Variants in SPOCK1 observed in about 807,000 individuals in gnomAD.
SPOCK1 encodes the protein testican-1.
SPOCK1 carries 23 observed loss-of-function variants against 55.3 expected under a neutral mutation model. The observed-to-expected ratio is 0.42, with a 90% CI of 0.30 to 0.59. SPOCK1 has a LOEUF of 0.59. SPOCK1 is among the 20% of genes least tolerant of loss of function. The pLI, the probability that SPOCK1 is intolerant of heterozygous loss-of-function variation, is 0.22. For synonymous variants in SPOCK1, 226 were observed against 221.0 expected (o/e 1.02, Z -0.20); for missense variants, 499 against 552.5 (o/e 0.90, Z 0.97).
At chr5:137,084,639 A>G (rs887229059) in intron 5 of SPOCK1, among the ~76,000 whole-genome samples, 2 of 152,144 alleles carry the variant, frequency 1.3e-5, no homozygotes, top group Admixed American at 1.3e-4. Flanking sequence ...TGAAAAAGGA[A>G]TGCTCTGTTA....
chr5:137,215,544 T>G (rs577548694), intron 3 of SPOCK1, among the ~76,000 whole-genome samples: 1 of 152,320 alleles, frequency 6.6e-6, no homozygotes, highest in South Asian at 2.1e-4. Flanking sequence ...ATTTTACACA[T>G]TTTTTATACC....
chr5:137,401,215 A>G (rs963836997), intron 2 of SPOCK1, among the ~76,000 whole-genome samples: 1 of 152,232 alleles, frequency 6.6e-6, no homozygotes, highest in African/African-American at 2.4e-5. Context: ...CTGGAGGAAA[A>G]GTAATAGTGC....
chr5:137,067,463 A>G (rs1458609426), intron 6 of SPOCK1, among the ~76,000 whole-genome samples: 2 of 152,178 alleles, frequency 1.3e-5, no homozygotes, highest in Non-Finnish European at 2.9e-5. Flanking sequence ...CCCACACCAT[A>G]GCGAATATGA....
chr5:137,195,712 C>T (rs1286412877), intron 3 of SPOCK1, among the ~76,000 whole-genome samples: 4 of 152,180 alleles, frequency 2.6e-5, no homozygotes, highest in Non-Finnish European at 5.9e-5. Flanking sequence ...ACTACCTACT[C>T]CAAGGCAGGT....
At chr5:137,166,020 A>C (rs1219826360) in intron 3 of SPOCK1, among the ~76,000 whole-genome samples, 1 of 152,162 alleles carries the variant, frequency 6.6e-6, no homozygotes, top group Non-Finnish European at 1.5e-5. Context: ...ATAACAGAGA[A>C]CTTCCCAAAC....
At chr5:137,272,249 T>A (rs1756978087) in intron 2 of SPOCK1, among the ~76,000 whole-genome samples, 1 of 152,218 alleles carries the variant, frequency 6.6e-6, no homozygotes, top group African/African-American at 2.4e-5. Context: ...GTTCTATTTA[T>A]CTTCACACTA....
intron 2 of SPOCK1, among the ~76,000 whole-genome samples, chr5:137,379,173 C>T (rs1246270984): frequency 1.3e-5 from 2 of 152,084 alleles, no homozygotes; most frequent in East Asian, 1.9e-4. Flanking sequence ...GGCCAAGGAG[C>T]ACTTGCCACC....
chr5:137,233,513 T>C (rs1280717955), intron 3 of SPOCK1, among the ~76,000 whole-genome samples: 1 of 152,040 alleles, frequency 6.6e-6, no homozygotes, highest in Non-Finnish European at 1.5e-5. Context: ...AAGCTCTGCT[T>C]GCTCACCTGT....
intron 2 of SPOCK1, among the ~76,000 whole-genome samples, chr5:137,453,710 T>C (rs2149835437): frequency 6.6e-6 from 1 of 152,292 alleles, no homozygotes; most frequent in South Asian, 2.1e-4. Flanking sequence ...CTGAGATACA[T>C]ATTACCACTG....
intron 6 of SPOCK1, among the ~76,000 whole-genome samples, chr5:137,041,710 C>T (rs1184254235): frequency 6.6e-6 from 1 of 152,114 alleles, no homozygotes; most frequent in African/African-American, 2.4e-5. Flanking sequence ...AGCTTATGAA[C>T]ATCATTTTTC....
At chr5:137,091,068 G>A (rs1753045170) in intron 5 of SPOCK1, among the ~76,000 whole-genome samples, 2 of 152,188 alleles carry the variant, frequency 1.3e-5, no homozygotes, top group East Asian at 3.9e-4. Flanking sequence ...GGGGAGCTGA[G>A]GAGGATGAAG....
chr5:137,367,266 A>T (rs1751091755), intron 2 of SPOCK1, among the ~76,000 whole-genome samples: 1 of 152,212 alleles, frequency 6.6e-6, no homozygotes, highest in Non-Finnish European at 1.5e-5. Context: ...ATGATTGACA[A>T]GAAGAGCCCT....
At chr5:137,356,863 A>AGG (rs1750827456) in intron 2 of SPOCK1, among the ~76,000 whole-genome samples, 1 of 122,182 alleles carries the variant, frequency 8.2e-6, no homozygotes, top group Non-Finnish European at 1.7e-5. Flanking sequence ...AGAGAGAGAG[A>AGG]GAGAGAGAGA....
chr5:137,319,965 A>AG (rs1441948945), intron 2 of SPOCK1, among the ~76,000 whole-genome samples: 1 of 151,682 alleles, frequency 6.6e-6, no homozygotes, highest in East Asian at 1.9e-4. Flanking sequence ...AAAAAAAAAA[A>AG]AAAAAAAACA....
intron 2 of SPOCK1, among the ~76,000 whole-genome samples, chr5:137,424,140 G>A (rs1350457475): frequency 6.6e-6 from 1 of 152,088 alleles, no homozygotes; most frequent in Non-Finnish European, 1.5e-5. Context: ...AGTCTTTTGG[G>A]AGGCCAAGGC....
intron 2 of SPOCK1, among the ~76,000 whole-genome samples, chr5:137,374,128 G>A (rs929694772): frequency 3.9e-5 from 6 of 152,218 alleles, no homozygotes; most frequent in African/African-American, 1.4e-4. Flanking sequence ...GTCACCTATT[G>A]TTATTACAAA....
intron 2 of SPOCK1, among the ~76,000 whole-genome samples, chr5:137,493,020 T>C (rs1754220719): frequency 6.6e-6 from 1 of 152,238 alleles, no homozygotes; most frequent in Admixed American, 6.5e-5. Flanking sequence ...GATGGACAAA[T>C]ACTTATAACC....
At chr5:137,310,948 G>A (rs1447990618) in intron 2 of SPOCK1, among the ~76,000 whole-genome samples, 1 of 152,146 alleles carries the variant, frequency 6.6e-6, no homozygotes, top group African/African-American at 2.4e-5. Context: ...GGAACAGAAG[G>A]ACTGCTCAAT....
At chr5:137,181,860 C>T (rs985994262) in intron 3 of SPOCK1, among the ~76,000 whole-genome samples, 2 of 152,206 alleles carry the variant, frequency 1.3e-5, no homozygotes, top group African/African-American at 4.8e-5. Flanking sequence ...TGATGATTCC[C>T]TTTCATCCCC....
Sources: allele counts gnomAD v4.1 joint callset (sites outside exome capture counted in the v4.1 genomes callset), GRCh38; gene constraint gnomAD v4.1.1; transcripts MANE v1.5; gene names NCBI Gene and HGNC (gene_info 2026-07-23, HGNC 2026-07-21).